Variants in SENP7 observed in about 807,000 individuals in gnomAD.
The protein encoded by SENP7 is sentrin-specific protease 7.
SENP7 carries 64 observed loss-of-function variants against 141.2 expected under a neutral mutation model. The observed-to-expected ratio is 0.45, with a 90% CI of 0.37 to 0.56. The LOEUF (loss-of-function observed/expected upper bound fraction) is 0.56, where lower values mean the gene tolerates loss of function less well. SENP7 is among the 20% of genes least tolerant of loss of function. The pLI, the probability that SENP7 is intolerant of heterozygous loss-of-function variation, is 0.00. For synonymous variants in SENP7, 382 were observed against 426.4 expected, an observed-to-expected ratio of 0.90 and a Z score of 1.28; for missense variants, 1,025 against 1,212.2, an observed-to-expected ratio of 0.85 and a Z score of 2.29.
chr3:101,476,121 T>G (rs936454985), intron 3 of SENP7, among the ~76,000 whole-genome samples: 4 of 152,178 alleles, frequency 2.6e-5, no homozygotes, highest in African/African-American at 9.7e-5. Context: ...ATTATTATTC[T>G]TTAAGTTCTG....
chr3:101,494,252 A>G (rs2065077840), intron 2 of SENP7, among the ~76,000 whole-genome samples: 1 of 152,184 alleles, frequency 6.6e-6, no homozygotes, highest in African/African-American at 2.4e-5. Context: ...TGTCAGCCCC[A>G]GAGTTCTCTA....
chr3:101,341,869 C>A (rs1368659899), intron 14 of SENP7, 90 bp from the exon 15 acceptor site: 9 of 1,318,130 alleles, frequency 6.8e-6, no homozygotes, highest in Non-Finnish European at 8.2e-6. Flanking sequence ...GAAAATGTGA[C>A]TTTAAAAATC....
chr3:101,495,476 A>C (rs967888087), intron 2 of SENP7, among the ~76,000 whole-genome samples: 3 of 152,214 alleles, frequency 2.0e-5, no homozygotes, highest in Non-Finnish European at 4.4e-5. Flanking sequence ...CACTATTCAC[A>C]ATAGCAAAGA....
chr3:101,372,925 T>G (rs1559734230), intron 6 of SENP7, among the ~76,000 whole-genome samples: 1 of 152,020 alleles, frequency 6.6e-6, no homozygotes, highest in Non-Finnish European at 1.5e-5. Flanking sequence ...TTCTCTATAC[T>G]TATGTACATA....
At chr3:101,342,384 T>C (rs2059350343) in intron 14 of SENP7, among the ~76,000 whole-genome samples, 1 of 152,194 alleles carries the variant, frequency 6.6e-6, no homozygotes, top group South Asian at 2.1e-4. Context: ...AAGCTACATG[T>C]ATATTACCAA....
chr3:101,485,374 C>A (rs2064684546), intron 3 of SENP7, among the ~76,000 whole-genome samples: 1 of 152,112 alleles, frequency 6.6e-6, no homozygotes, highest in South Asian at 2.1e-4. Flanking sequence ...GCCACTACCT[C>A]CACTGGAAAA....
intron 1 of SENP7, among the ~76,000 whole-genome samples, chr3:101,509,071 A>G (rs998579799): frequency 2.0e-5 from 3 of 151,418 alleles, no homozygotes; most frequent in African/African-American, 7.3e-5. Context: ...CTTTGATGTC[A>G]TCCCTCTCTC....
At chr3:101,327,960 C>T (rs1394946968) in intron 22 of SENP7, 144 bp from the exon 23 acceptor site, 2 of 575,558 alleles carry the variant, frequency 3.5e-6, no homozygotes, top group Non-Finnish European at 5.9e-6. Flanking sequence ...GTGCAACCTA[C>T]ATTTTATAAG....
chr3:101,496,702 G>A (rs1156729170), intron 2 of SENP7, among the ~76,000 whole-genome samples: 4 of 150,692 alleles, frequency 2.7e-5, no homozygotes, highest in African/African-American at 7.3e-5. Context: ...CTCAGCCTCC[G>A]AAGTAGATGG....
At chr3:101,381,716 G>A (rs2060508083) in intron 6 of SENP7, among the ~76,000 whole-genome samples, 1 of 152,098 alleles carries the variant, frequency 6.6e-6, no homozygotes, top group African/African-American at 2.4e-5. Context: ...ATTCAAAACT[G>A]ACTAATGTTT....
chr3:101,427,232 T>C (rs1017150394), intron 4 of SENP7, among the ~76,000 whole-genome samples: 3 of 152,112 alleles, frequency 2.0e-5, no homozygotes, highest in Non-Finnish European at 4.4e-5. Flanking sequence ...CTCACTCCTG[T>C]AGTCCTAGCA....
rs1219122906 is a variant in SENP7, at chr3:101,325,507, A to T, written c.*436T>A. The T allele has an allele frequency of 6.6e-6, 1 of 152,592 alleles. No homozygotes were observed. The highest frequency in any genetic ancestry group is 1.5e-5 in the Non-Finnish European group (1 of 68,048). The allele number at this position is 152,592 out of a possible 1,614,324, so 9.5% of individuals were successfully genotyped here. The stretch of plus-strand genomic sequence containing the variant: ...ATTCATACTGCATGCTTGAGCTGCA[A>T]AGAATAGAATTACAATATGATGTGA... On this transcript the variant is annotated 3_prime_UTR_variant, in exon 24 of 24. Transcript: ENST00000394095.
intron 15 of SENP7, 53 bp downstream of exon 15, chr3:101,341,593 A>T: frequency 2.2e-6 from 3 of 1,369,600 alleles, no homozygotes; most frequent in Non-Finnish European, 2.9e-6. Flanking sequence ...AGCAACATGA[A>T]TAAAAACTAC....
intron 6 of SENP7, among the ~76,000 whole-genome samples, chr3:101,372,746 T>G (rs2060215068): frequency 6.6e-6 from 1 of 152,026 alleles, no homozygotes; most frequent in African/African-American, 2.4e-5. Flanking sequence ...CTGGAAGGAT[T>G]CAAGCCTATT....
At chr3:101,475,629 G>A (rs1283333862) in intron 3 of SENP7, among the ~76,000 whole-genome samples, 1 of 152,038 alleles carries the variant, frequency 6.6e-6, no homozygotes, top group East Asian at 1.9e-4. Flanking sequence ...GATCTGTGCA[G>A]CAAAACACCA....
intron 3 of SENP7, among the ~76,000 whole-genome samples, chr3:101,491,854 G>A (rs193127743): frequency 6.6e-6 from 1 of 152,282 alleles, no homozygotes; most frequent in Admixed American, 6.5e-5. Context: ...CACTTTGGGA[G>A]GCCAAGGCAG....
In SENP7 at chr3:101,325,499, G is replaced by C. The variant is rs1369245282; in HGVS notation, c.*444C>G. 6.6e-6 allele frequency: 1 copy of C among 152,434 alleles called. No individual in the cohort carries two copies. Among genetic ancestry groups the C allele is most frequent in the Non-Finnish European group, 1.5e-5 (1 of 68,030 alleles). The allele number at this position is 152,434 out of a possible 1,614,324, so 9.4% of individuals were successfully genotyped here. A position where few individuals can be genotyped will look rare whatever the true frequency, so the allele number is the denominator to read the frequency against. ...TACACAGTATTCATACTGCATGCTTGAGCTGCAAAGAATAGAATTACAATA... is the reference window on the plus strand; with the variant it reads ...TACACAGTATTCATACTGCATGCTTCAGCTGCAAAGAATAGAATTACAATA... On this transcript the variant is annotated 3_prime_UTR_variant, in exon 24 of 24. Coordinates refer to ENST00000394095, the MANE Select transcript of SENP7 (RefSeq NM_020654.5).
In SENP7 at chr3:101,509,366, T is replaced by C. The variant is rs187986828; in HGVS notation, c.40+3725A>G. Among the ~76,000 whole-genome samples the C allele has an allele frequency of 1.0e-3, 153 of 152,282 alleles. 1 individual carries two copies. The highest frequency in any genetic ancestry group is 3.3e-3 in the African/African-American group (138 of 41,558). On this transcript the variant is annotated intron_variant, in intron 1 of 23. Coordinates refer to ENST00000394095, the MANE Select transcript of SENP7 (RefSeq NM_020654.5). ...ACTAGTCTACTAACCACTCTTACCA[T>C]CAGTAAAAGTAGCCTCCTAATTGCC...
intron 3 of SENP7, among the ~76,000 whole-genome samples, chr3:101,493,561 G>A (rs573825516): frequency 6.2e-4 from 94 of 152,076 alleles, no homozygotes; most frequent in Non-Finnish European, 1.1e-3. Context: ...AATGGGTCAA[G>A]TGCATAAGAA....
Sources: allele counts gnomAD v4.1 joint callset (sites outside exome capture counted in the v4.1 genomes callset), GRCh38; gene constraint gnomAD v4.1.1; transcripts MANE v1.5; gene names NCBI Gene and HGNC (gene_info 2026-07-23, HGNC 2026-07-21).